Variants in NFIC observed in about 807,000 individuals in gnomAD.
NFIC encodes the protein nuclear factor 1 C-type.
NFIC carries 12 observed loss-of-function variants against 54.4 expected under a neutral mutation model. The ratio of observed to expected loss-of-function variants is 0.22; its 90% CI spans 0.14 to 0.36. NFIC has a LOEUF of 0.36. Ranked by LOEUF, NFIC falls within the 10% of genes least tolerant of loss-of-function variation. The probability of loss-of-function intolerance (pLI) is 1.00; values close to 1 mark genes in which losing one functional copy is unlikely to be tolerated. For synonymous variants in NFIC, 322 were observed against 319.2 expected, an observed-to-expected ratio of 1.01 and a Z score of -0.09; for missense variants, 575 against 718.2, an observed-to-expected ratio of 0.80 and a Z score of 2.28.
At chr19:3,450,788 C>A (rs1269443638) in intron 7 of NFIC, among the ~76,000 whole-genome samples, 1 of 152,212 alleles carries the variant, frequency 6.6e-6, no homozygotes, top group Non-Finnish European at 1.5e-5. Context: ...TAGTTCTTTA[C>A]ACAGTCATGC....
chr19:3,448,618 C>T (rs2082407959), intron 6 of NFIC, among the ~76,000 whole-genome samples: 1 of 152,192 alleles, frequency 6.6e-6, no homozygotes, highest in African/African-American at 2.4e-5. Context: ...GCGCCCTTAG[C>T]CAGTCAGGGT....
At position 3,366,682 on chromosome 19, in the gene NFIC, G is replaced by A. The variant is rs925562968; in HGVS notation, c.30+16G>A. The A allele has an allele frequency of 3.6e-6, 5 of 1,398,098 alleles. No individual in the cohort carries two copies. In the South Asian group the frequency reaches 8.5e-5, roughly 24 times the overall value. The allele number at this position is 1,398,098 out of a possible 1,614,324, so 86.6% of individuals were successfully genotyped here. On this transcript the variant is annotated intron_variant, in intron 1 of 10. Transcript: ENST00000443272. Reference sequence around the variant, plus strand: ...CCTCACCCAGGTACGGTCCTCGCCCGGCCCCCCGCCGGCGCCCCCGCGCCC... The same window carrying A: ...CCTCACCCAGGTACGGTCCTCGCCCAGCCCCCCGCCGGCGCCCCCGCGCCC...
rs1244660084 is a variant in NFIC at position 3,467,781 on chromosome 19, A to ATATATATATATATATATATG, written c.*5020_*5021insTATATATATATGTATATATA. On this transcript the variant is annotated 3_prime_UTR_variant, in exon 11 of 11. Coordinates refer to ENST00000443272, the MANE Select transcript of NFIC (RefSeq NM_001245002.2). ...TACATATATATATATATATATATATATATATATAATTTTGGAATTTGTTTC... is the reference window on the plus strand; with the variant it reads ...TACATATATATATATATATATATATATATATATATATATATATATGTATATATAATTTTGGAATTTGTTTC... The ATATATATATATATATATATG allele has an allele frequency of 3.8e-4, 52 of 135,130 alleles. 1 individual carries two copies. The highest frequency in any genetic ancestry group is 1.4e-3 in the African/African-American group (48 of 33,162). The allele number at this position is 135,130 out of a possible 1,614,324, so 8.4% of individuals were successfully genotyped here. A position where few individuals can be genotyped will look rare whatever the true frequency, so the allele number is the denominator to read the frequency against.
At position 3,370,401 on chromosome 19, in the gene NFIC, C is replaced by T. The variant is rs1202451542; in HGVS notation, c.30+3735C>T. The stretch of plus-strand genomic sequence containing the variant: ...TCTGTTTCTCCCCCTCCCCTCTCTG[C>T]GGCGGAGGTGCCTCTGCGCGCCAGG... On this transcript the variant is annotated intron_variant, in intron 1 of 10. Transcript: ENST00000443272. This position sits in a 1 kb window ranked among gnomAD's most constrained non-coding sequence, Gnocchi z 5.2. Among the ~76,000 whole-genome samples the T allele has an allele frequency of 2.0e-5, 3 of 151,906 alleles. No homozygotes were observed. Among genetic ancestry groups the T allele is most frequent in the South Asian group, 2.1e-4 (1 of 4,812 alleles).
At chr19:3,403,032 C>G (rs1236136844) in intron 2 of NFIC, among the ~76,000 whole-genome samples, 1 of 152,198 alleles carries the variant, frequency 6.6e-6, no homozygotes, top group Non-Finnish European at 1.5e-5. Flanking sequence ...CTGCTGTATA[C>G]CAGATCCTAT....
At chr19:3,418,460 T>G (rs952055844) in intron 2 of NFIC, among the ~76,000 whole-genome samples, 3 of 152,202 alleles carry the variant, frequency 2.0e-5, no homozygotes, top group African/African-American at 7.2e-5. Flanking sequence ...ACCCTTGTAC[T>G]GATGGCTGTA....
chr19:3,365,449 G>C (rs1354106133), upstream of NFIC, among the ~76,000 whole-genome samples: 2 of 152,226 alleles, frequency 1.3e-5, no homozygotes, highest in African/African-American at 4.8e-5. Flanking sequence ...AGCAGCCTCT[G>C]AGCTAGCCTG....
At chr19:3,403,412 T>G (rs2081588087) in intron 2 of NFIC, among the ~76,000 whole-genome samples, 1 of 152,164 alleles carries the variant, frequency 6.6e-6, no homozygotes, top group Non-Finnish European at 1.5e-5. Context: ...AGCAGAACAC[T>G]CCACAATCTG....
intron 7 of NFIC, among the ~76,000 whole-genome samples, chr19:3,451,120 T>C (rs1417172943): frequency 6.6e-6 from 1 of 152,088 alleles, no homozygotes. Flanking sequence ...CAATAGAATA[T>C]GACTCAGCCA....
intron 3 of NFIC, 123 bp from the exon 4 acceptor site, chr19:3,433,395 A>C: frequency 1.0e-6 from 1 of 965,394 alleles, no homozygotes; most frequent in South Asian, 1.4e-5. Flanking sequence ...CCCCCACAGC[A>C]CAGGATGGAC....
chr19:3,380,321 T>G (rs1291700422), intron 1 of NFIC, among the ~76,000 whole-genome samples: 1 of 134,488 alleles, frequency 7.4e-6, no homozygotes, highest in Admixed American at 7.4e-5. Flanking sequence ...TTTTTTTTTT[T>G]TTTTTTTTTT....
chr19:3,435,357 T>G, intron 6 of NFIC, 150 bp downstream of exon 6: 1 of 1,192,706 alleles, frequency 8.4e-7, no homozygotes, highest in South Asian at 1.7e-5. Context: ...CGTCCCGAGC[T>G]GCGCTTGGCT....
intron 6 of NFIC, among the ~76,000 whole-genome samples, chr19:3,436,136 T>TGTTG (rs2082198997): frequency 6.9e-6 from 1 of 145,806 alleles, no homozygotes; most frequent in South Asian, 2.1e-4. Flanking sequence ...CCTCTGTTTT[T>TGTTG]GTTTGTTTGT....
Position 3,465,498 on chromosome 19 carries a change from C to T in NFIC, c.*2729C>T, listed in dbSNP as rs562375185. 79 of 151,638 alleles carry T rather than the reference C, an allele frequency of 5.2e-4. No individual in the cohort carries two copies. The highest frequency in any genetic ancestry group is 1.9e-3 in the African/African-American group (78 of 41,376). 9.4% of individuals were successfully genotyped at this position (151,638 alleles called of 1,614,324 possible). A position where few individuals can be genotyped will look rare whatever the true frequency, so the allele number is the denominator to read the frequency against. The stretch of plus-strand genomic sequence containing the variant: ...AAAATCAAGCCACTGAAAACAATTG[C>T]CCCCAGGTCTACCCAGCCCCTGGCT... On this transcript the variant is annotated 3_prime_UTR_variant, in exon 11 of 11. Coordinates refer to ENST00000443272, the MANE Select transcript of NFIC (RefSeq NM_001245002.2).
At position 3,435,131 on chromosome 19, in the gene NFIC, C is replaced by A; in HGVS notation, c.882C>A (p.Ser294Arg). 1 of 1,606,192 alleles carries A rather than the reference C, an allele frequency of 6.2e-7. No homozygotes were observed. ...SGSMEEDVDT[S>R]PGGDYYTSPS... is the part of the protein sequence containing the mutation. ...CGATGGAGGAAGACGTGGACACGAG[C>A]CCTGGCGGCGATTACTACACTTCGC... The change falls in exon 6 of 11, where the codon AGC becomes AGA. Residue 294 changes from serine (S) to arginine (R), a missense_variant. By Grantham distance (110) the Ser-to-Arg change is moderately radical. Coordinates refer to ENST00000443272, the MANE Select transcript of NFIC (RefSeq NM_001245002.2).
rs1434763646 is a variant in NFIC at position 3,464,662 on chromosome 19, C to T, written c.*1893C>T. ...GCTCCTAGCCTCACCCCCCTGCCCC[C>T]GAAAACCAGACTCTCCTCCCAAACT... On this transcript the variant is annotated 3_prime_UTR_variant, in exon 11 of 11. Transcript: ENST00000443272. The T allele has an allele frequency of 3.0e-6, 3 of 985,028 alleles. No homozygotes were observed. The highest frequency in any genetic ancestry group is 3.6e-6 in the Non-Finnish European group (3 of 830,058). The allele number at this position is 985,028 out of a possible 1,614,324, so 61.0% of individuals were successfully genotyped here.
chr19:3,369,563 G>A lies in NFIC; in HGVS notation c.30+2897G>A, dbSNP rs576365915. Among the ~76,000 whole-genome samples, 53 of 152,326 alleles carry A rather than the reference G, an allele frequency of 3.5e-4. No homozygotes were observed. The highest frequency in any genetic ancestry group is 1.1e-3 in the African/African-American group (46 of 41,578). The stretch of plus-strand genomic sequence containing the variant: ...AGCCCGCTCTGTGCCACCCGGGCCC[G>A]GCCCGCCGAGTGGGGAGTGGGTGCT... On this transcript the variant is annotated intron_variant, in intron 1 of 10. Transcript: ENST00000443272. The surrounding 1 kb of genome is among the most constrained non-coding windows in gnomAD (Gnocchi z 4.3).
intron 1 of NFIC, among the ~76,000 whole-genome samples, chr19:3,374,678 G>A (rs2081075101): frequency 6.6e-6 from 1 of 152,184 alleles, no homozygotes; most frequent in African/African-American, 2.4e-5. Flanking sequence ...GTTGAGGGAT[G>A]TGTAGGAGTT....
chr19:3,382,044 C>A lies in NFIC; in HGVS notation c.363C>A (p.Leu121=). The A allele has an allele frequency of 6.2e-7, 1 of 1,613,512 alleles. No homozygotes were observed. The highest frequency in any genetic ancestry group is 1.1e-5 in the South Asian group (1 of 91,086). ...QKGKMRRIDC[L]RQADKVWRLD... ...GCAAGATGCGGCGCATCGACTGTCTCCGGCAGGCGGACAAGGTGTGGCGGC... is the reference window on the plus strand; with the variant it reads ...GCAAGATGCGGCGCATCGACTGTCTACGGCAGGCGGACAAGGTGTGGCGGC... Residue 121 remains leucine, a synonymous_variant, in exon 2 of 11, where the codon CTC becomes CTA. Transcript: ENST00000443272.
Sources: gnomAD v4.1 joint callset for allele counts (sites outside exome capture counted in the v4.1 genomes callset) on GRCh38, gnomAD v4.1.1 for gene constraint, Gnocchi (gnomAD v3.1) non-coding constraint, MANE v1.5 for transcripts, NCBI Gene and HGNC (gene_info 2026-07-23, HGNC 2026-07-21) for gene names.